The following MNAT1 variants were observed in gnomAD, a reference collection of about 807,000 sequenced individuals.
MNAT1 encodes MNAT1 component of CDK activating kinase.
In MNAT1, 43 loss-of-function variants were observed where a neutral mutation model predicts 42.0. The ratio of observed to expected loss-of-function variants is 1.02; its 90% confidence interval spans 0.80 to 1.32. MNAT1 has a LOEUF of 1.32. Among genes scored for constraint, MNAT1 ranks in the 40% most tolerant of loss-of-function variants. The probability of loss-of-function intolerance (pLI) is 0.00; values close to 1 mark genes in which losing one functional copy is unlikely to be tolerated. For synonymous variants in MNAT1, 118 were observed against 120.0 expected (o/e 0.98, Z 0.11); for missense variants, 306 against 350.4 (o/e 0.87, Z 1.01).
chr14:60,819,901 C>T (rs549844494), intron 6 of MNAT1, among the ~76,000 whole-genome samples: 17 of 152,102 alleles, frequency 1.1e-4, no homozygotes, highest in Non-Finnish European at 2.5e-4. Context: ...CAGTATAGTA[C>T]TTGGCTTATT....
intron 7 of MNAT1, among the ~76,000 whole-genome samples, chr14:60,950,564 C>T (rs1366752178): frequency 2.0e-5 from 3 of 152,152 alleles, no homozygotes; most frequent in Admixed American, 1.3e-4. Context: ...AACACAAATT[C>T]GTAAACTTTC....
chr14:60,760,955 A>G (rs1324913230), intron 1 of MNAT1, among the ~76,000 whole-genome samples: 1 of 152,230 alleles, frequency 6.6e-6, no homozygotes, highest in East Asian at 1.9e-4. Flanking sequence ...AAAATATCAC[A>G]AAGAAAACCA....
intron 7 of MNAT1, among the ~76,000 whole-genome samples, chr14:60,942,619 A>G (rs567100455): frequency 4.8e-4 from 73 of 152,252 alleles, no homozygotes; most frequent in African/African-American, 1.7e-3. Flanking sequence ...CCTCTGATTT[A>G]GCGCCCTTCT....
chr14:60,951,087 A>G (rs1457280917), intron 7 of MNAT1, among the ~76,000 whole-genome samples: 1 of 152,168 alleles, frequency 6.6e-6, no homozygotes, highest in East Asian at 1.9e-4. Flanking sequence ...GTAATCTAAA[A>G]CAGTTGTTAA....
At chr14:60,802,878 G>T (rs1334414377) in intron 3 of MNAT1, among the ~76,000 whole-genome samples, 1 of 151,470 alleles carries the variant, frequency 6.6e-6, no homozygotes. Context: ...TTAGAGTGTG[G>T]CTCCACCACT....
rs534914741 is a variant in MNAT1 at position 60,845,511 on chromosome 14, C to G, written c.687+26664C>G. Among the ~76,000 whole-genome samples the G allele has an allele frequency of 3.3e-5, 5 of 151,918 alleles. No individual in the cohort carries two copies. The South Asian group carries it at 1.0e-3, about 32-fold the overall frequency. On this transcript the variant is annotated intron_variant, in intron 6 of 7. Transcript: ENST00000261245. Reference sequence around the variant, plus strand: ...GATGTTGTTGATCTAGTCACTGAACCGGTTTTTTCTTAAACAGTTATTGAA... The same window carrying G: ...GATGTTGTTGATCTAGTCACTGAACGGGTTTTTTCTTAAACAGTTATTGAA...
rs142588510 is a variant in MNAT1, at chr14:60,740,828, A to G, written c.89+5877A>G. ...CAGTGTACATTTGAAAAGAATATAC[A>G]TTCTGTGGTTGTTGGGTGTAGTGTA... On this transcript the variant is annotated intron_variant, in intron 1 of 7. Coordinates refer to ENST00000261245, the MANE Select transcript of MNAT1 (RefSeq NM_002431.4). This position sits in a 1 kb window ranked among gnomAD's most constrained non-coding sequence, Gnocchi z 4.1. Among the ~76,000 whole-genome samples, 308 of 152,312 alleles carry G rather than the reference A, an allele frequency of 2.0e-3. 1 individual carries two copies. The highest frequency in any genetic ancestry group is 3.6e-3 in the Non-Finnish European group (242 of 68,024).
intron 6 of MNAT1, among the ~76,000 whole-genome samples, chr14:60,837,139 G>A (rs1362746400): frequency 6.6e-6 from 1 of 152,218 alleles, no homozygotes; most frequent in Non-Finnish European, 1.5e-5. Context: ...TCAAGCCAGT[G>A]TTTCTTAGCT....
chr14:60,933,850 C>T (rs1329095817), intron 7 of MNAT1, among the ~76,000 whole-genome samples: 1 of 152,110 alleles, frequency 6.6e-6, no homozygotes, highest in African/African-American at 2.4e-5. Context: ...AATCTACGCA[C>T]ATTGTCTGGA....
chr14:60,761,756 T>C (rs1468482969), intron 1 of MNAT1, among the ~76,000 whole-genome samples: 2 of 152,212 alleles, frequency 1.3e-5, no homozygotes, highest in African/African-American at 4.8e-5. Context: ...AGTTACAGAA[T>C]GATCTTATCT....
At chr14:60,767,519 A>G (rs535471782) in intron 1 of MNAT1, among the ~76,000 whole-genome samples, 1 of 152,298 alleles carries the variant, frequency 6.6e-6, no homozygotes, top group South Asian at 2.1e-4. Context: ...TGGTAATTAT[A>G]TCTGTGAGAC....
intron 1 of MNAT1, among the ~76,000 whole-genome samples, chr14:60,769,872 C>T (rs2030987025): frequency 6.6e-6 from 1 of 151,878 alleles, no homozygotes; most frequent in African/African-American, 2.4e-5. Context: ...GATATGTTGC[C>T]CAGGCTAGTC....
intron 7 of MNAT1, among the ~76,000 whole-genome samples, chr14:60,889,672 A>G (rs953822069): frequency 1.4e-4 from 21 of 152,132 alleles, no homozygotes; most frequent in Non-Finnish European, 2.1e-4. Flanking sequence ...GCAACCTACA[A>G]AATGGGAGAA....
At chr14:60,777,204 C>A (rs1450231598) in intron 1 of MNAT1, among the ~76,000 whole-genome samples, 1 of 152,146 alleles carries the variant, frequency 6.6e-6, no homozygotes, top group South Asian at 2.1e-4. Context: ...GGGAAATATG[C>A]TTAAATAGCT....
intron 1 of MNAT1, among the ~76,000 whole-genome samples, chr14:60,795,340 A>G (rs2031980563): frequency 6.6e-6 from 1 of 152,072 alleles, no homozygotes; most frequent in South Asian, 2.1e-4. Flanking sequence ...TAGGGCAGGG[A>G]TGATTGGGGT....
chr14:60,764,350 A>G (rs2030727209), intron 1 of MNAT1, among the ~76,000 whole-genome samples: 1 of 152,170 alleles, frequency 6.6e-6, no homozygotes, highest in Non-Finnish European at 1.5e-5. Context: ...TTTCTTCAGT[A>G]CATTCTTTCT....
chr14:60,796,723 G>T (rs1257557714), intron 2 of MNAT1, among the ~76,000 whole-genome samples: 1 of 152,050 alleles, frequency 6.6e-6, no homozygotes, highest in African/African-American at 2.4e-5. Context: ...GTCCTCATGA[G>T]ACTTACCATA....
At chr14:60,842,935 T>TA (rs1196574595) in intron 6 of MNAT1, among the ~76,000 whole-genome samples, 2 of 152,210 alleles carry the variant, frequency 1.3e-5, no homozygotes, top group Non-Finnish European at 2.9e-5. Flanking sequence ...AAATTCGAAT[T>TA]ACAGTTTCTA....
intron 6 of MNAT1, among the ~76,000 whole-genome samples, chr14:60,839,424 T>A (rs777866520): frequency 3.3e-5 from 5 of 152,174 alleles, no homozygotes; most frequent in Non-Finnish European, 7.4e-5. Context: ...GTTCTTTTGT[T>A]CAGTAAAGCT....
Sources: gnomAD v4.1 joint callset for allele counts (sites outside exome capture counted in the v4.1 genomes callset) on GRCh38, gnomAD v4.1.1 for gene constraint, Gnocchi (gnomAD v3.1) non-coding constraint, MANE v1.5 for transcripts, NCBI Gene and HGNC (gene_info 2026-07-23, HGNC 2026-07-21) for gene names.